The following BCAR3 variants were observed in gnomAD, a reference collection of about 807,000 sequenced individuals.
BCAR3 encodes BCAR3 adaptor protein, NSP family member.
A neutral mutation model predicts 80.1 loss-of-function variants in BCAR3; 37 were observed. That is an observed-to-expected ratio of 0.46 (90% CI 0.36 to 0.61). The LOEUF (loss-of-function observed/expected upper bound fraction) is 0.61, where lower values mean the gene tolerates loss of function less well. Ranked by LOEUF, BCAR3 falls within the 20% of genes least tolerant of loss-of-function variation. BCAR3 has a pLI of 0.00. For synonymous variants in BCAR3, 389 were observed against 418.9 expected (o/e 0.93, Z 0.87); for missense variants, 978 against 1,068.2 (o/e 0.92, Z 1.18).
At chr1:93,677,173 A>G (rs1165150750) in intron 1 of BCAR3, among the ~76,000 whole-genome samples, 1 of 152,226 alleles carries the variant, frequency 6.6e-6, no homozygotes, top group Non-Finnish European at 1.5e-5. Context: ...GGAACAATTA[A>G]TTTTGACAAA....
chr1:93,656,303 T>C (rs116052519), intron 2 of BCAR3, among the ~76,000 whole-genome samples: 1,982 of 152,234 alleles, frequency 0.013, 47 homozygotes, highest in African/African-American at 0.045. Flanking sequence ...ACTTGGGGCT[T>C]TTCCTTCTCC....
chr1:93,766,501 A>G (rs1652155396), intron 2 of BCAR3, among the ~76,000 whole-genome samples: 1 of 152,200 alleles, frequency 6.6e-6, no homozygotes, highest in African/African-American at 2.4e-5. Flanking sequence ...CTCTTCCCAG[A>G]TGAATTTTCT....
intron 3 of BCAR3, among the ~76,000 whole-genome samples, chr1:93,639,365 C>T (rs1675907254): frequency 6.6e-6 from 1 of 152,126 alleles, no homozygotes; most frequent in African/African-American, 2.4e-5. Flanking sequence ...AACCTTGTCT[C>T]TCCCAGACCC....
chr1:93,622,724 T>C (rs1351102119), intron 3 of BCAR3, among the ~76,000 whole-genome samples: 1 of 152,184 alleles, frequency 6.6e-6, no homozygotes, highest in Non-Finnish European at 1.5e-5. Context: ...TGCCGGCCAG[T>C]TTCTTCACTT....
intron 2 of BCAR3, among the ~76,000 whole-genome samples, chr1:93,807,269 T>C (rs1653686817): frequency 6.6e-6 from 1 of 151,994 alleles, no homozygotes; most frequent in Admixed American, 6.5e-5. Flanking sequence ...ACATACAAAA[T>C]TTATTTAACA....
chr1:93,821,924 GCA>G (rs1383102885), intron 2 of BCAR3, among the ~76,000 whole-genome samples: 7 of 152,144 alleles, frequency 4.6e-5, no homozygotes, highest in African/African-American at 1.7e-4. Context: ...TGTGCTTTCT[GCA>G]CCTTGTATTT....
chr1:93,659,325 C>G (rs985184692), intron 2 of BCAR3, among the ~76,000 whole-genome samples: 2 of 152,124 alleles, frequency 1.3e-5, no homozygotes, highest in African/African-American at 4.8e-5. Flanking sequence ...GCTGAGACTA[C>G]AATCGCATGC....
At chr1:93,569,445 C>T (rs1253820216) in intron 9 of BCAR3, among the ~76,000 whole-genome samples, 1 of 152,196 alleles carries the variant, frequency 6.6e-6, no homozygotes, top group Non-Finnish European at 1.5e-5. Flanking sequence ...CACCATGCTG[C>T]CCTTCCTTCT....
intron 2 of BCAR3, among the ~76,000 whole-genome samples, chr1:93,652,447 C>A (rs1557640673): frequency 6.6e-6 from 1 of 152,132 alleles, no homozygotes; most frequent in Non-Finnish European, 1.5e-5. Context: ...TTCTCCACAC[C>A]CAGACACCCT....
intron 3 of BCAR3, among the ~76,000 whole-genome samples, chr1:93,600,938 G>A (rs1674602138): frequency 6.6e-6 from 1 of 152,174 alleles, no homozygotes; most frequent in Non-Finnish European, 1.5e-5. Context: ...TGACTGGCTG[G>A]AACCATGCTC....
At chr1:93,735,895 G>C (rs1317505339) in intron 2 of BCAR3, among the ~76,000 whole-genome samples, 1 of 152,184 alleles carries the variant, frequency 6.6e-6, no homozygotes, top group East Asian at 1.9e-4. Flanking sequence ...GCAGAGCAGA[G>C]AAAGAACATT....
chr1:93,583,586 G>C (rs1458161798), intron 6 of BCAR3, among the ~76,000 whole-genome samples: 2 of 152,148 alleles, frequency 1.3e-5, no homozygotes, highest in African/African-American at 2.4e-5. Context: ...GAATGGAGAG[G>C]AAGGGGAGTT....
At chr1:93,625,295 C>A (rs1002654892) in intron 3 of BCAR3, among the ~76,000 whole-genome samples, 1 of 152,136 alleles carries the variant, frequency 6.6e-6, no homozygotes, top group Non-Finnish European at 1.5e-5. Context: ...TGCAGTAATT[C>A]CCAACTCACA....
At chr1:93,694,800 C>A (rs2101966807) in intron 3 of BCAR3, among the ~76,000 whole-genome samples, 1 of 152,324 alleles carries the variant, frequency 6.6e-6, no homozygotes, top group South Asian at 2.1e-4. Context: ...CTGTTGTAAT[C>A]CACCAAACAC....
intron 3 of BCAR3, among the ~76,000 whole-genome samples, chr1:93,637,268 C>A (rs1675815937): frequency 1.3e-5 from 2 of 151,942 alleles, no homozygotes; most frequent in Non-Finnish European, 2.9e-5. Context: ...CCCCCAGGTT[C>A]AAGCGATTCT....
chr1:93,757,140 C>A (rs1002516485), intron 2 of BCAR3, among the ~76,000 whole-genome samples: 1 of 152,180 alleles, frequency 6.6e-6, no homozygotes, highest in Non-Finnish European at 1.5e-5. Flanking sequence ...CCTCTGGAAT[C>A]CATGTTGAGG....
At chr1:93,619,638 G>A (rs1245873849) in intron 3 of BCAR3, among the ~76,000 whole-genome samples, 1 of 152,188 alleles carries the variant, frequency 6.6e-6, no homozygotes, top group Non-Finnish European at 1.5e-5. Context: ...GCCCTTCAGA[G>A]GTCCCTCCCA....
In BCAR3 at chr1:93,609,612, G is replaced by A. The variant is rs373880661; in HGVS notation, c.358-17219C>T. Among the ~76,000 whole-genome samples, 5 of 152,334 alleles carry A rather than the reference G, an allele frequency of 3.3e-5. No homozygotes were observed. The South Asian group carries it at 8.3e-4, about 25-fold the overall frequency. On this transcript the variant is annotated intron_variant, in intron 3 of 11. Coordinates refer to ENST00000260502, the MANE Select transcript of BCAR3 (RefSeq NM_003567.4). ...GTCAGAGACACAAGGGGCCAGAAGA[G>A]GTAGGGGTTTGTTTCCAGTGCCAGC...
intron 2 of BCAR3, among the ~76,000 whole-genome samples, chr1:93,647,910 T>C (rs982560082): frequency 2.0e-5 from 3 of 151,986 alleles, no homozygotes; most frequent in Non-Finnish European, 4.4e-5. Context: ...GTAGCTGGGA[T>C]CGCAGGCATG....
Sources: gnomAD v4.1 joint callset for allele counts (sites outside exome capture counted in the v4.1 genomes callset) on GRCh38, gnomAD v4.1.1 for gene constraint, MANE v1.5 for transcripts, NCBI Gene and HGNC (gene_info 2026-07-23, HGNC 2026-07-21) for gene names.